The following RBFOX1 variants were observed in gnomAD, a reference collection of about 807,000 sequenced individuals.
RBFOX1 encodes the protein RNA binding protein fox-1 homolog 1.
RBFOX1 carries 8 observed loss-of-function variants against 57.7 expected under a neutral mutation model. The ratio of observed to expected loss-of-function variants is 0.14; its 90% CI spans 0.08 to 0.25. The LOEUF is 0.25. RBFOX1 is among the 10% of genes least tolerant of loss of function. The pLI is 1.00. For synonymous variants in RBFOX1, 326 were observed against 222.4 expected (o/e 1.47, Z -4.15); for missense variants, 611 against 548.5 (o/e 1.11, Z -1.14).
intron 2 of RBFOX1, among the ~76,000 whole-genome samples, chr16:6,540,788 C>T (rs1246625788): frequency 6.6e-6 from 1 of 152,140 alleles, no homozygotes; most frequent in Non-Finnish European, 1.5e-5. Flanking sequence ...TTTAAAAAGA[C>T]TGGCTTATCT....
At chr16:5,763,919 T>A (rs1473617678) in intron 3 of RBFOX1, among the ~76,000 whole-genome samples, 2 of 152,222 alleles carry the variant, frequency 1.3e-5, no homozygotes, top group Non-Finnish European at 2.9e-5. Context: ...TATCCCGCCC[T>A]GGCATTATAT....
chr16:5,360,910 G>A (rs2065530396), intron 1 of RBFOX1, among the ~76,000 whole-genome samples: 1 of 152,174 alleles, frequency 6.6e-6, no homozygotes, highest in African/African-American at 2.4e-5. Context: ...ACATCAAGAG[G>A]GAGATCTAGT....
At chr16:7,057,718 A>G (rs1423083002) in intron 4 of RBFOX1, among the ~76,000 whole-genome samples, 1 of 152,110 alleles carries the variant, frequency 6.6e-6, no homozygotes, top group Admixed American at 6.6e-5. Context: ...AGTAAATAAC[A>G]CCATAGATGC....
chr16:7,379,294 A>G (rs1223920688), intron 4 of RBFOX1, among the ~76,000 whole-genome samples: 1 of 152,226 alleles, frequency 6.6e-6, no homozygotes, highest in Non-Finnish European at 1.5e-5. Context: ...CTTTCTGTCC[A>G]AAAGAGTATC....
At chr16:5,624,225 C>A (rs2215248) in intron 3 of RBFOX1, among the ~76,000 whole-genome samples, 11,407 of 152,238 alleles carry the variant, frequency 0.075, 1,396 homozygotes, top group African/African-American at 0.26. Context: ...GACGGAGTCT[C>A]GCTCTGTCGC....
At chr16:5,841,615 T>C (rs1203163166) in intron 3 of RBFOX1, among the ~76,000 whole-genome samples, 2 of 152,228 alleles carry the variant, frequency 1.3e-5, no homozygotes, top group Non-Finnish European at 2.9e-5. Flanking sequence ...ATATCTGGGA[T>C]ATACTTCTGT....
chr16:5,351,185 A>G lies in RBFOX1; in HGVS notation c.219+111080A>G, dbSNP rs1164539040. ...CTGTTGACTGTATTGATAATGCCAT[A>G]TTGATTTATTTAACTCGACTATGTG... On this transcript the variant is annotated intron_variant, in intron 1 of 2. Coordinates refer to the RBFOX1 transcript ENST00000585867. Among the ~76,000 whole-genome samples, 3 of 152,208 alleles carry G rather than the reference A, an allele frequency of 2.0e-5. No individual in the cohort carries two copies. In the East Asian group the frequency reaches 5.8e-4, roughly 29 times the overall value.
intron 4 of RBFOX1, among the ~76,000 whole-genome samples, chr16:7,476,797 C>T (rs11865851): frequency 0.02 from 3,110 of 152,250 alleles, 111 homozygotes; most frequent in African/African-American, 0.071. Context: ...CCACAAAATC[C>T]CTGCAAAGAT....
At chr16:5,430,963 T>G (rs1033033717) in intron 1 of RBFOX1, among the ~76,000 whole-genome samples, 4 of 152,192 alleles carry the variant, frequency 2.6e-5, no homozygotes, top group African/African-American at 9.7e-5. Flanking sequence ...CCGCAGTGCA[T>G]AATAAGGTGA....
At chr16:6,628,123 C>G (rs931838996) in intron 2 of RBFOX1, among the ~76,000 whole-genome samples, 1 of 152,160 alleles carries the variant, frequency 6.6e-6, no homozygotes. Flanking sequence ...TTCGCAGTCC[C>G]CAAGATGTCT....
At chr16:6,197,616 T>G (rs2097188705) in intron 1 of RBFOX1, among the ~76,000 whole-genome samples, 1 of 151,538 alleles carries the variant, frequency 6.6e-6, no homozygotes, top group Non-Finnish European at 1.5e-5. Context: ...ATCACCTGTT[T>G]GGTGCACAAT....
intron 3 of RBFOX1, among the ~76,000 whole-genome samples, chr16:6,671,978 G>T (rs1265722956): frequency 1.3e-5 from 2 of 151,720 alleles, no homozygotes; most frequent in African/African-American, 4.9e-5. Context: ...ATATCGAACA[G>T]CTGATTTTAA....
intron 3 of RBFOX1, among the ~76,000 whole-genome samples, chr16:6,772,428 G>C (rs981789830): frequency 9.8e-6 from 1 of 102,234 alleles, no homozygotes; most frequent in Non-Finnish European, 1.8e-5. Flanking sequence ...GCACGTGCGT[G>C]TGTGTGTGTG....
In RBFOX1 at chr16:6,742,596, A is replaced by G. The variant is rs554473323; in HGVS notation, c.-16+87946A>G. Reference sequence around the variant, plus strand: ...TGGAAACAACCAAAATATCTACAGTAGGTGAATGGTTAAAGAAACTGTGAG... The same window carrying G: ...TGGAAACAACCAAAATATCTACAGTGGGTGAATGGTTAAAGAAACTGTGAG... On this transcript the variant is annotated intron_variant, in intron 3 of 15. Transcript: ENST00000550418. Among the ~76,000 whole-genome samples the G allele has an allele frequency of 4.6e-5, 7 of 152,334 alleles. No homozygotes were observed. In the South Asian group the frequency reaches 6.2e-4, roughly 14 times the overall value.
At chr16:6,652,247 G>T (rs892709313) in intron 2 of RBFOX1, among the ~76,000 whole-genome samples, 1 of 152,256 alleles carries the variant, frequency 6.6e-6, no homozygotes, top group South Asian at 2.1e-4. Flanking sequence ...TCAAGAGATC[G>T]AGAGCATCCT....
intron 1 of RBFOX1, among the ~76,000 whole-genome samples, chr16:5,357,957 G>A (rs1432318578): frequency 6.6e-6 from 1 of 152,164 alleles, no homozygotes; most frequent in African/African-American, 2.4e-5. Context: ...AATTGCTGGG[G>A]GACTTTATTA....
intron 4 of RBFOX1, among the ~76,000 whole-genome samples, chr16:7,203,436 C>G (rs1464968765): frequency 6.6e-6 from 1 of 152,050 alleles, no homozygotes; most frequent in Non-Finnish European, 1.5e-5. Context: ...TATTACAAGA[C>G]AAAAAGAGTT....
intron 1 of RBFOX1, among the ~76,000 whole-genome samples, chr16:6,265,826 C>G (rs1295510576): frequency 1.3e-5 from 2 of 152,164 alleles, no homozygotes; most frequent in African/African-American, 2.4e-5. Flanking sequence ...CTTCTGCCCC[C>G]TCTTCTGCCC....
intron 3 of RBFOX1, among the ~76,000 whole-genome samples, chr16:7,040,084 G>C (rs1292826207): frequency 6.6e-6 from 1 of 151,908 alleles, no homozygotes; most frequent in Non-Finnish European, 1.5e-5. Context: ...GCAGTGACAT[G>C]ATCTCAGCTC....
Sources: allele counts gnomAD v4.1 joint callset (sites outside exome capture counted in the v4.1 genomes callset), GRCh38; gene constraint gnomAD v4.1.1; transcripts MANE v1.5; gene names NCBI Gene and HGNC (gene_info 2026-07-23, HGNC 2026-07-21).